Variants in TPRG1 observed in about 807,000 individuals in gnomAD.
TPRG1 encodes tumor protein p63-regulated gene 1 protein.
A neutral mutation model predicts 29.3 loss-of-function variants in TPRG1; 29 were observed. The observed-to-expected ratio is 0.99, with a 90% CI of 0.74 to 1.35. The LOEUF (loss-of-function observed/expected upper bound fraction) is 1.35, where lower values mean the gene tolerates loss of function less well. Ranked by LOEUF, TPRG1 falls within the 40% of genes most tolerant of loss-of-function variation. The pLI, the probability that TPRG1 is intolerant of heterozygous loss-of-function variation, is 0.00. For missense variants in TPRG1, 327 were observed against 335.0 expected (o/e 0.98, Z 0.19); for synonymous variants, 130 against 116.8 (o/e 1.11, Z -0.73).
intron 4 of TPRG1, among the ~76,000 whole-genome samples, chr3:189,092,673 A>G (rs981352822): frequency 6.6e-6 from 1 of 152,256 alleles, no homozygotes; most frequent in Non-Finnish European, 1.5e-5. Flanking sequence ...AGGATTCTAC[A>G]TCTGCCTGTC....
chr3:189,180,925 CATA>C (rs1730131878), intron 1 of TPRG1, among the ~76,000 whole-genome samples: 1 of 152,160 alleles, frequency 6.6e-6, no homozygotes, highest in Non-Finnish European at 1.5e-5. Context: ...TAGGCATTTC[CATA>C]CATCTTCTAA....
intron 4 of TPRG1, among the ~76,000 whole-genome samples, chr3:189,076,177 T>A (rs1421636968): frequency 6.6e-6 from 1 of 152,172 alleles, no homozygotes; most frequent in Non-Finnish European, 1.5e-5. Flanking sequence ...TGGTTGGCTT[T>A]TGTTTGTCCA....
At chr3:189,151,890 A>T (rs1040516467) in intron 5 of TPRG1, among the ~76,000 whole-genome samples, 3 of 152,112 alleles carry the variant, frequency 2.0e-5, no homozygotes, top group Non-Finnish European at 4.4e-5. Flanking sequence ...TACAAAAAAA[A>T]AATTGATTAC....
At chr3:189,019,366 G>A (rs1011350058) in intron 3 of TPRG1, among the ~76,000 whole-genome samples, 1 of 152,154 alleles carries the variant, frequency 6.6e-6, no homozygotes, top group Non-Finnish European at 1.5e-5. Flanking sequence ...TTGGCCGTGG[G>A]TTTGTCGTAG....
intron 1 of TPRG1, among the ~76,000 whole-genome samples, chr3:189,185,330 C>T (rs1411927176): frequency 6.6e-6 from 1 of 151,930 alleles, no homozygotes; most frequent in East Asian, 1.9e-4. Context: ...CTCAAGCGAT[C>T]CTCCCACCTC....
chr3:189,186,691 G>C (rs1730962608), intron 1 of TPRG1, among the ~76,000 whole-genome samples: 1 of 151,434 alleles, frequency 6.6e-6, no homozygotes, highest in Non-Finnish European at 1.5e-5. Context: ...TAGATTCCTA[G>C]ACCAGCATAA....
chr3:189,307,451 G>T (rs1721812641), intron 4 of TPRG1, among the ~76,000 whole-genome samples: 1 of 152,192 alleles, frequency 6.6e-6, no homozygotes, highest in African/African-American at 2.4e-5. Flanking sequence ...TGCATAGTTT[G>T]TTTTGAGACA....
intron 4 of TPRG1, among the ~76,000 whole-genome samples, chr3:189,048,010 G>T (rs534873450): frequency 5.1e-4 from 77 of 152,260 alleles, no homozygotes; most frequent in Non-Finnish European, 7.8e-4. Context: ...CATGAATCAT[G>T]AATGTTCTTA....
intron 4 of TPRG1, among the ~76,000 whole-genome samples, chr3:189,050,217 A>T (rs1056585390): frequency 3.9e-5 from 6 of 152,190 alleles, no homozygotes; most frequent in African/African-American, 1.4e-4. Flanking sequence ...GAAGAGAGAA[A>T]ATCCAAATAA....
At chr3:189,213,294 A>T (rs913707741) in intron 2 of TPRG1, among the ~76,000 whole-genome samples, 1 of 152,172 alleles carries the variant, frequency 6.6e-6, no homozygotes, top group Non-Finnish European at 1.5e-5. Context: ...AATGGTGTAT[A>T]ATGGATCCTC....
intron 3 of TPRG1, among the ~76,000 whole-genome samples, chr3:189,143,160 C>CT (rs5855240): frequency 0.32 from 49,098 of 151,864 alleles, 8,194 homozygotes; most frequent in South Asian, 0.43. Context: ...TTAGGATCAT[C>CT]TTTTTTTTAT....
At chr3:189,120,058 CTG>C (rs1448044706) in intron 1 of TPRG1, among the ~76,000 whole-genome samples, 2 of 152,206 alleles carry the variant, frequency 1.3e-5, no homozygotes, top group Non-Finnish European at 2.9e-5. Context: ...GCATCATTAA[CTG>C]TGCCCCAAAC....
chr3:189,186,651 T>A (rs9881410), intron 1 of TPRG1, among the ~76,000 whole-genome samples: 42,927 of 151,830 alleles, frequency 0.28, 6,417 homozygotes, highest in East Asian at 0.4. Context: ...CCATCTTGTA[T>A]TAGAATGAGG....
At chr3:189,013,270 T>C (rs1712699878) in intron 3 of TPRG1, among the ~76,000 whole-genome samples, 1 of 152,212 alleles carries the variant, frequency 6.6e-6, no homozygotes, top group African/African-American at 2.4e-5. Context: ...CTTAATTTCA[T>C]TATTTACCCT....
At chr3:189,010,327 A>C (rs191743394) in intron 3 of TPRG1, among the ~76,000 whole-genome samples, 1 of 152,246 alleles carries the variant, frequency 6.6e-6, no homozygotes, top group Non-Finnish European at 1.5e-5. Context: ...GTTGAATGAT[A>C]TTTCTGTCTT....
intron 4 of TPRG1, among the ~76,000 whole-genome samples, chr3:189,088,140 G>A (rs946245243): frequency 2.6e-5 from 4 of 152,124 alleles, no homozygotes; most frequent in African/African-American, 7.2e-5. Flanking sequence ...CATGAGCATC[G>A]AATATTCTTC....
intron 2 of TPRG1, chr3:189,211,776 ACCCAGGACC>A (rs1735303589): frequency 6.6e-6 from 1 of 152,184 alleles, no homozygotes; most frequent in African/African-American, 2.4e-5. Context: ...CAGGCCTGGA[ACCCAGGACC>A]CTCGATGCTT....
intron 2 of TPRG1, among the ~76,000 whole-genome samples, chr3:189,211,367 A>G (rs1238619193): frequency 1.3e-5 from 2 of 152,206 alleles, no homozygotes; most frequent in Non-Finnish European, 2.9e-5. Flanking sequence ...AGCCGATGCC[A>G]TAATCAGAAA....
At chr3:189,295,718 G>A (rs928577935) in intron 4 of TPRG1, among the ~76,000 whole-genome samples, 2 of 151,954 alleles carry the variant, frequency 1.3e-5, no homozygotes, top group Non-Finnish European at 2.9e-5. Flanking sequence ...TCAAGGGCGC[G>A]TGATGTTTTA....
Sources: gnomAD v4.1 joint callset for allele counts (sites outside exome capture counted in the v4.1 genomes callset) on GRCh38, gnomAD v4.1.1 for gene constraint, MANE v1.5 for transcripts, NCBI Gene and HGNC (gene_info 2026-07-23, HGNC 2026-07-21) for gene names.